Variants in DELE1 observed in about 807,000 individuals in gnomAD.
DELE1 encodes DAP3 binding cell death enhancer 1, also known as death ligand signal enhancer.
In DELE1, 54 loss-of-function variants were observed where a neutral mutation model predicts 59.3. That is an observed-to-expected ratio of 0.91 (90% CI 0.73 to 1.14). The LOEUF (loss-of-function observed/expected upper bound fraction) is 1.14, where lower values mean the gene tolerates loss of function less well. Ranked by LOEUF, DELE1 falls within the 50% of genes most tolerant of loss-of-function variation. DELE1 has a pLI of 0.00. For missense variants in DELE1, 636 were observed against 643.9 expected (o/e 0.99, Z 0.13); for synonymous variants, 264 against 259.1 (o/e 1.02, Z -0.18).
rs372856765 is a variant in DELE1 at position 141,938,782 on chromosome 5, G to C, written c.*23G>C. 1 of 1,593,430 alleles carries C rather than the reference G, an allele frequency of 6.3e-7. No homozygotes were observed. The highest frequency in any genetic ancestry group is 1.3e-5 in the African/African-American group (1 of 74,556). On this transcript the variant is annotated 3_prime_UTR_variant, in exon 12 of 12. Transcript: ENST00000432126. ...TAAGGTGAGATAAAACATAGTCCCTGGTGCCTCTTAGGGGCCAGAGCGGGC... is the reference window on the plus strand; with the variant it reads ...TAAGGTGAGATAAAACATAGTCCCTCGTGCCTCTTAGGGGCCAGAGCGGGC...
At position 141,932,698 on chromosome 5, in the gene DELE1, A is replaced by G. The variant is rs545827768; in HGVS notation, c.755-561A>G. Among the ~76,000 whole-genome samples the G allele has an allele frequency of 7.9e-5, 12 of 152,316 alleles. No homozygotes were observed. In the East Asian group the frequency reaches 1.5e-3, roughly 20 times the overall value. Reference sequence around the variant, plus strand: ...AGCACTAGGGGAGGTGTTGTTCCCAATGGGAAATCTAGATGCTACTACCAA... The same window carrying G: ...AGCACTAGGGGAGGTGTTGTTCCCAGTGGGAAATCTAGATGCTACTACCAA... On this transcript the variant is annotated intron_variant, in intron 7 of 11. Transcript: ENST00000432126.
chr5:141,941,497 A>G lies in DELE1; in HGVS notation c.*2738A>G. The G allele has an allele frequency of 1.0e-6, 1 of 985,406 alleles. No homozygotes were observed. Among genetic ancestry groups the G allele is most frequent in the Non-Finnish European group, 1.2e-6 (1 of 829,956 alleles). The allele number at this position is 985,406 out of a possible 1,614,324, so 61.0% of individuals were successfully genotyped here. ...ATGGGCTTCACTGGCAGAGCTGGGTACTGCTGTGCTTTTGCCATTAAAATT... is the reference window on the plus strand; with the variant it reads ...ATGGGCTTCACTGGCAGAGCTGGGTGCTGCTGTGCTTTTGCCATTAAAATT... On this transcript the variant is annotated 3_prime_UTR_variant, in exon 12 of 12. Transcript: ENST00000432126.
intron 4 of DELE1, among the ~76,000 whole-genome samples, chr5:141,929,297 G>A (rs34578382): frequency 0.05 from 7,591 of 152,148 alleles, 428 homozygotes; most frequent in East Asian, 0.24. Context: ...CACCCAGGCT[G>A]GAGTGCAGTG....
intron 3 of DELE1, among the ~76,000 whole-genome samples, chr5:141,927,630 G>T (rs761605075): frequency 1.3e-5 from 2 of 152,220 alleles, no homozygotes; most frequent in African/African-American, 2.4e-5. Flanking sequence ...TACACCTGGA[G>T]ATGTGTGTGT....
At chr5:141,924,251 G>A (rs920318873) in intron 1 of DELE1, among the ~76,000 whole-genome samples, 3 of 152,176 alleles carry the variant, frequency 2.0e-5, no homozygotes, top group African/African-American at 7.2e-5. Flanking sequence ...AGGATTAGGG[G>A]CCAATGGAGT....
Position 141,928,206 on chromosome 5 carries a change from C to T in DELE1, c.320C>T (p.Ser107Phe). 1.2e-6 allele frequency: 2 copies of T among 1,614,248 alleles called. No individual in the cohort carries two copies. Among genetic ancestry groups the T allele is most frequent in the Non-Finnish European group, 1.7e-6 (2 of 1,180,042 alleles). ...QLARQIHFQA[S>F]LPAGPQRVEH... The stretch of plus-strand genomic sequence containing the variant: ...GCAAGGCAGATCCACTTCCAGGCAT[C>T]CCTGCCAGCAGGACCTCAGCGGGTA... The change falls in exon 4 of 12, where the codon TCC (serine) becomes TTC (phenylalanine). Residue 107 changes from serine (S) to phenylalanine (F), a missense_variant. Transcript: ENST00000432126.
intron 1 of DELE1, 35 bp downstream of exon 1, chr5:141,924,007 G>A (rs1751149523): frequency 6.9e-6 from 11 of 1,601,872 alleles, no homozygotes; most frequent in Non-Finnish European, 9.4e-6. Flanking sequence ...GTCACTCTGG[G>A]CCGCAAAGAC....
Position 141,940,580 on chromosome 5 carries a change from A to T in DELE1, c.*1821A>T, listed in dbSNP as rs1752680843. The T allele has an allele frequency of 3.0e-6, 3 of 985,482 alleles. No homozygotes were observed. The highest frequency in any genetic ancestry group is 3.6e-6 in the Non-Finnish European group (3 of 830,010). 61.0% of individuals were successfully genotyped at this position (985,482 alleles called of 1,614,324 possible). A position where few individuals can be genotyped will look rare whatever the true frequency, so the allele number is the denominator to read the frequency against. ...CTCTCAACTTCTTAGTGGTCCTGCC[A>T]TACTTTCCTAGCACCTCTCTTTCAC... On this transcript the variant is annotated 3_prime_UTR_variant, in exon 12 of 12. Transcript: ENST00000432126.
intron 5 of DELE1, 64 bp downstream of exon 5, chr5:141,929,804 G>T (rs933074705): frequency 5.0e-6 from 8 of 1,592,596 alleles, no homozygotes; most frequent in Non-Finnish European, 6.9e-6. Flanking sequence ...TGGGCAAGAT[G>T]GACGTTGTTT....
At chr5:141,930,321 AAGGGT>A (rs1596601370) in intron 7 of DELE1, 47 bp downstream of exon 7, 1 of 1,362,088 alleles carries the variant, frequency 7.3e-7, no homozygotes, top group East Asian at 2.3e-5. Context: ...GGAAAATGGA[AAGGGT>A]ATGGGGTAGC....
chr5:141,929,568 C>A lies in DELE1; in HGVS notation c.413-14C>A, dbSNP rs2126875169. The stretch of plus-strand genomic sequence containing the variant: ...CCTGGCCCAGACCTGACTACTCTTG[C>A]TGGCTCTTTCCAGCACTGCGACAAC... On this transcript the variant is annotated splice_polypyrimidine_tract_variant and intron_variant, in intron 4 of 11. Coordinates refer to ENST00000432126, the MANE Select transcript of DELE1 (RefSeq NM_014773.5). 1 of 1,611,994 alleles carries A rather than the reference C, an allele frequency of 6.2e-7. No homozygotes were observed. The highest frequency in any genetic ancestry group is 1.9e-4 in the Middle Eastern group (1 of 5,386).
At chr5:141,931,597 G>A (rs1216927247) in intron 7 of DELE1, among the ~76,000 whole-genome samples, 2 of 152,198 alleles carry the variant, frequency 1.3e-5, no homozygotes, top group Admixed American at 6.5e-5. Flanking sequence ...GCATGGTCTA[G>A]ATGAGAGAAA....
intron 3 of DELE1, among the ~76,000 whole-genome samples, chr5:141,926,983 C>G (rs1055957105): frequency 6.6e-6 from 1 of 152,234 alleles, no homozygotes; most frequent in Non-Finnish European, 1.5e-5. Context: ...TTAGCCCACA[C>G]GTCACCCCCA....
rs762276742 is a variant in DELE1 at position 141,933,270 on chromosome 5, A to G, written c.766A>G (p.Met256Val). Reference protein sequence around the residue: ...IAFNFLGTENMKSGDHTAAFS... With the variant: ...IAFNFLGTENVKSGDHTAAFS... The stretch of plus-strand genomic sequence containing the variant: ...GTGCCTTCTTACAGGAACAGAGAAC[A>G]TGAAGAGTGGCGACCACACGGCAGC... Residue 256 changes from methionine to valine, a missense_variant, in exon 8 of 12, where the codon ATG becomes GTG. Physicochemically the swap from Met to Val is conservative, Grantham distance 21. Coordinates refer to ENST00000432126, the MANE Select transcript of DELE1 (RefSeq NM_014773.5). 1.9e-6 allele frequency: 3 copies of G among 1,556,490 alleles called. No individual in the cohort carries two copies. Among genetic ancestry groups the G allele is most frequent in the East Asian group, 2.3e-5 (1 of 43,402 alleles).
At chr5:141,933,151 CA>C (rs1561516961) in intron 7 of DELE1, 107 bp from the exon 8 acceptor site, 7 of 505,322 alleles carry the variant, frequency 1.4e-5, no homozygotes, top group Non-Finnish European at 1.5e-5. Context: ...GTGTCTGGCA[CA>C]AAAAAAGAAA....
Position 141,941,189 on chromosome 5 carries a change from C to T in DELE1, c.*2430C>T, listed in dbSNP as rs1450420096. ...ACTTCCTTCTAGCCATAGCTGGGGC[C>T]GAGGGCTGGTTCACAGTCTGGCCAC... is the stretch of plus-strand genomic sequence containing the variant. On this transcript the variant is annotated 3_prime_UTR_variant, in exon 12 of 12. Coordinates refer to ENST00000432126, the MANE Select transcript of DELE1 (RefSeq NM_014773.5). 18 of 985,316 alleles carry T rather than the reference C, an allele frequency of 1.8e-5. No homozygotes were observed. Among genetic ancestry groups the T allele is most frequent in the Non-Finnish European group, 2.2e-5 (18 of 829,946 alleles). 61.0% of individuals were successfully genotyped at this position (985,316 alleles called of 1,614,324 possible).
chr5:141,927,230 T>A (rs1481310000), intron 3 of DELE1, among the ~76,000 whole-genome samples: 1 of 152,204 alleles, frequency 6.6e-6, no homozygotes, highest in Non-Finnish European at 1.5e-5. Flanking sequence ...TGGGTCAACC[T>A]GTGTGTTTTT....
chr5:141,934,658 G>C, intron 10 of DELE1, 72 bp downstream of exon 10: 1 of 1,391,622 alleles, frequency 7.2e-7, no homozygotes, highest in Non-Finnish European at 1.0e-6. Context: ...AACTGGTACT[G>C]AGTTCTTCTG....
At chr5:141,924,540 G>C in intron 1 of DELE1, 41 bp from the exon 2 acceptor site, 1 of 1,160,752 alleles carries the variant, frequency 8.6e-7, no homozygotes, top group Non-Finnish European at 1.3e-6. Flanking sequence ...GTGATTCCTG[G>C]GTTCTTGTTG....
Sources: gnomAD v4.1 joint callset for allele counts (sites outside exome capture counted in the v4.1 genomes callset) on GRCh38, gnomAD v4.1.1 for gene constraint, MANE v1.5 for transcripts, NCBI Gene and HGNC (gene_info 2026-07-23, HGNC 2026-07-21) for gene names.